SDK2: variants seen among roughly 807,000 people sequenced by gnomAD.
SDK2 encodes sidekick cell adhesion molecule 2, also known as protein sidekick-2.
SDK2 carries 105 observed loss-of-function variants against 253.9 expected under a neutral mutation model. The observed-to-expected ratio is 0.41, with a 90% CI of 0.35 to 0.49. The LOEUF is 0.49. Among genes scored for constraint, SDK2 ranks in the 20% least tolerant of loss-of-function variants. The probability of loss-of-function intolerance (pLI) is 0.06; values close to 1 mark genes in which losing one functional copy is unlikely to be tolerated. For missense variants in SDK2, 2,608 were observed against 3,003.0 expected (o/e 0.87, Z 3.07); for synonymous variants, 1,249 against 1,234.9 (o/e 1.01, Z -0.24).
chr17:73,393,878 C>A, intron 26 of SDK2, 129 bp from the exon 27 acceptor site: 1 of 698,906 alleles, frequency 1.4e-6, no homozygotes, highest in Non-Finnish European at 2.2e-6. Flanking sequence ...CAGGGCTGGA[C>A]CATGTGGCTA....
chr17:73,430,687 A>G lies in SDK2; in HGVS notation c.1481-74T>C, dbSNP rs1013577557. On this transcript the variant is annotated intron_variant, in intron 11 of 44. Transcript: ENST00000392650. ...TGTGGCTGGACTCTGGGTGGATACC[A>G]TATGAAAGCCCCCAAATGGTTAAAA... 34 of 991,080 alleles carry G rather than the reference A, an allele frequency of 3.4e-5. No homozygotes were observed. The Middle Eastern group carries it at 1.1e-3, about 32-fold the overall frequency. The allele number at this position is 991,080 out of a possible 1,614,324, so 61.4% of individuals were successfully genotyped here.
intron 3 of SDK2, among the ~76,000 whole-genome samples, chr17:73,456,613 C>T (rs549202831): frequency 3.3e-5 from 5 of 152,248 alleles, no homozygotes; most frequent in Admixed American, 2.0e-4. Flanking sequence ...TTCTCTCCTG[C>T]GCCTTGGGTG....
chr17:73,365,176 T>C, intron 38 of SDK2, 82 bp downstream of exon 38: 1 of 1,040,762 alleles, frequency 9.6e-7, no homozygotes, highest in East Asian at 2.7e-5. Flanking sequence ...CACTCATGTG[T>C]AGTGGCTGTG....
chr17:73,419,409 C>T (rs528578657), intron 15 of SDK2, 103 bp from the exon 16 acceptor site: 247 of 1,293,008 alleles, frequency 1.9e-4, no homozygotes, highest in South Asian at 2.4e-4. Flanking sequence ...CTGGATAATT[C>T]GGTACAACTG....
chr17:73,639,624 G>A lies in SDK2; in HGVS notation c.64+4401C>T, dbSNP rs1165578573. On this transcript the variant is annotated intron_variant, in intron 1 of 44. Coordinates refer to ENST00000392650, the MANE Select transcript of SDK2 (RefSeq NM_001144952.2). This position sits in a 1 kb window ranked among gnomAD's most constrained non-coding sequence, Gnocchi z 4.3. ...CTGTCTGTGGCAACATGCTCCAGGG[G>A]GAGCGGGGTAGAAACCCCGCAGGGC... Among the ~76,000 whole-genome samples the A allele has an allele frequency of 1.3e-5, 2 of 152,202 alleles. No homozygotes were observed. Among genetic ancestry groups the A allele is most frequent in the East Asian group, 1.9e-4 (1 of 5,148 alleles).
chr17:73,536,318 G>A (rs2044771185), intron 1 of SDK2, among the ~76,000 whole-genome samples: 1 of 152,214 alleles, frequency 6.6e-6, no homozygotes, highest in Non-Finnish European at 1.5e-5. Context: ...AGGCTGTGCT[G>A]TTGTGGAAGG....
intron 1 of SDK2, among the ~76,000 whole-genome samples, chr17:73,624,775 G>A (rs779792360): frequency 6.6e-6 from 1 of 152,164 alleles, no homozygotes; most frequent in African/African-American, 2.4e-5. Context: ...GAACTAATCC[G>A]GCTTCACGAG....
At chr17:73,364,080 G>C (rs893727336) in intron 38 of SDK2, among the ~76,000 whole-genome samples, 1 of 151,862 alleles carries the variant, frequency 6.6e-6, no homozygotes, top group African/African-American at 2.4e-5. Context: ...GAGTGAGAGG[G>C]GTGGCTCCAG....
chr17:73,477,176 C>T (rs1386217737), intron 2 of SDK2, among the ~76,000 whole-genome samples: 2 of 152,202 alleles, frequency 1.3e-5, no homozygotes, highest in Non-Finnish European at 2.9e-5. Flanking sequence ...CCGATAATGA[C>T]AGTAACAGCA....
At chr17:73,450,675 A>G (rs1334560324) in intron 4 of SDK2, among the ~76,000 whole-genome samples, 1 of 152,146 alleles carries the variant, frequency 6.6e-6, no homozygotes, top group South Asian at 2.1e-4. Flanking sequence ...TTTTGTCTAT[A>G]TCATGATCAA....
At chr17:73,358,904 G>A (rs2062616552) in intron 39 of SDK2, among the ~76,000 whole-genome samples, 1 of 152,028 alleles carries the variant, frequency 6.6e-6, no homozygotes, top group South Asian at 2.1e-4. Flanking sequence ...AGCAGCCTGG[G>A]ATGTGGGCCA....
At chr17:73,438,256 T>A in intron 6 of SDK2, 102 bp from the exon 7 acceptor site, 1 of 1,069,380 alleles carries the variant, frequency 9.4e-7, no homozygotes. Context: ...GGAGCCGGGC[T>A]GCCTGGGTTT....
At chr17:73,558,751 C>T (rs1015720435) in intron 1 of SDK2, among the ~76,000 whole-genome samples, 7 of 152,094 alleles carry the variant, frequency 4.6e-5, no homozygotes, top group African/African-American at 1.4e-4. Flanking sequence ...TCAGGGCCCC[C>T]GCACCAAGCC....
In SDK2 at chr17:73,401,094, A is replaced by G; in HGVS notation, c.2897T>C (p.Ile966Thr). Residue 966 changes from isoleucine (I) to threonine (T), a missense_variant, in exon 21 of 45, where the codon ATC (isoleucine) becomes ACC (threonine). Around this residue, in one of 2 missense-constraint regions of SDK2, gnomAD observed 1,505 missense variants for 1,859.1 expected, o/e 0.81. Coordinates refer to ENST00000392650, the MANE Select transcript of SDK2 (RefSeq NM_001144952.2). Reference sequence around the variant, plus strand: ...CTTTGAGGTCATGGCGGCCACCTCGATGGTGTAGGTGGTGAGCGCGGTGAG... The same window carrying G: ...CTTTGAGGTCATGGCGGCCACCTCGGTGGTGTAGGTGGTGAGCGCGGTGAG... ...TGLTALTTYT[I>T]EVAAMTSKGQ... 6.4e-7 allele frequency: 1 copy of G among 1,568,790 alleles called. No homozygotes were observed. Among genetic ancestry groups the G allele is most frequent in the Non-Finnish European group, 8.6e-7 (1 of 1,157,008 alleles).
intron 39 of SDK2, among the ~76,000 whole-genome samples, chr17:73,358,663 G>A (rs927596042): frequency 1.2e-4 from 18 of 151,980 alleles, no homozygotes; most frequent in African/African-American, 4.4e-4. Flanking sequence ...TGAGAGGAGG[G>A]GGTTGGTCGG....
intron 1 of SDK2, among the ~76,000 whole-genome samples, chr17:73,635,032 C>A (rs2143279641): frequency 6.6e-6 from 1 of 151,888 alleles, no homozygotes; most frequent in South Asian, 2.1e-4. Context: ...GTACCCCAGG[C>A]TGGAGTGCAG....
At position 73,419,169 on chromosome 17, in the gene SDK2, A is replaced by C; in HGVS notation, c.2183T>G (p.Ile728Ser). The C allele has an allele frequency of 6.2e-7, 1 of 1,611,930 alleles. No homozygotes were observed. Among genetic ancestry groups the C allele is most frequent in the Non-Finnish European group, 8.5e-7 (1 of 1,179,248 alleles). Residue 728 changes from isoleucine to serine, a missense_variant, in exon 16 of 45, where the codon ATC (isoleucine) becomes AGC (serine). Transcript: ENST00000392650. ...TGTCCCCAGGGTGGACACCCACCTG[A>C]TGATGTAACCCTTGAGAATTCCATT... ...HQNGILKGYI[I>S]RYCLAGLPVG...
intron 44 of SDK2, among the ~76,000 whole-genome samples, chr17:73,343,273 C>A (rs759061255): frequency 6.6e-6 from 1 of 152,250 alleles, no homozygotes; most frequent in Non-Finnish European, 1.5e-5. Context: ...AGAGCCCGCG[C>A]TGCGGGAGGG....
chr17:73,582,262 G>A (rs2045545760), intron 1 of SDK2, among the ~76,000 whole-genome samples: 2 of 149,482 alleles, frequency 1.3e-5, no homozygotes, highest in Non-Finnish European at 3.0e-5. Flanking sequence ...CGCACACCAC[G>A]CAGGCATCAG....
Sources: allele counts gnomAD v4.1 joint callset (sites outside exome capture counted in the v4.1 genomes callset), GRCh38; gene constraint gnomAD v4.1.1; regional missense constraint gnomAD v4.1.1; non-coding constraint Gnocchi (gnomAD v3.1); transcripts MANE v1.5; gene names NCBI Gene and HGNC (gene_info 2026-07-23, HGNC 2026-07-21).